Variants in WDPCP observed in about 807,000 individuals in gnomAD.
WDPCP encodes WD repeat containing planar cell polarity effector.
WDPCP carries 71 observed loss-of-function variants against 93.1 expected under a neutral mutation model. That is an observed-to-expected ratio of 0.76 (90% confidence interval 0.63 to 0.93). The LOEUF (loss-of-function observed/expected upper bound fraction) is 0.93, where lower values mean the gene tolerates loss of function less well. Among genes scored for constraint, WDPCP ranks in the 40% least tolerant of loss-of-function variants. The probability of loss-of-function intolerance (pLI) is 0.00; values close to 1 mark genes in which losing one functional copy is unlikely to be tolerated. For missense variants in WDPCP, 844 were observed against 887.4 expected, an observed-to-expected ratio of 0.95 and a Z score of 0.62; for synonymous variants, 315 against 315.0, an observed-to-expected ratio of 1.00 and a Z score of 0.00.
chr2:63,826,674 T>C (rs747970016), intron 1 of WDPCP, among the ~76,000 whole-genome samples: 1 of 152,134 alleles, frequency 6.6e-6, no homozygotes, highest in Non-Finnish European at 1.5e-5. Flanking sequence ...ATAAATTAAA[T>C]GATAATGCAG....
chr2:63,327,434 C>T (rs971120267), intron 12 of WDPCP, among the ~76,000 whole-genome samples: 2 of 152,196 alleles, frequency 1.3e-5, no homozygotes, highest in South Asian at 2.1e-4. Flanking sequence ...TTACCACACA[C>T]TCTCAAAGGA....
chr2:63,539,196 G>C (rs953689038), intron 1 of WDPCP, among the ~76,000 whole-genome samples: 6 of 152,082 alleles, frequency 3.9e-5, no homozygotes, highest in Non-Finnish European at 8.8e-5. Context: ...TTTCTACTAA[G>C]ACAGTTAACC....
chr2:63,732,648 A>G (rs894087167), intron 2 of WDPCP, among the ~76,000 whole-genome samples: 4 of 152,222 alleles, frequency 2.6e-5, no homozygotes, highest in Non-Finnish European at 5.9e-5. Flanking sequence ...TAAAACAGAA[A>G]TATCTTACAA....
intron 14 of WDPCP, among the ~76,000 whole-genome samples, chr2:63,210,204 T>C (rs1339487577): frequency 2.0e-5 from 3 of 152,066 alleles, no homozygotes; most frequent in Non-Finnish European, 4.4e-5. Flanking sequence ...GTTAGGTTTC[T>C]AACAGTTAAC....
intron 1 of WDPCP, among the ~76,000 whole-genome samples, chr2:63,822,032 A>G (rs1426747196): frequency 6.6e-6 from 1 of 152,192 alleles, no homozygotes; most frequent in Non-Finnish European, 1.5e-5. Context: ...GAAAATAGAA[A>G]AGAGATGGGG....
chr2:63,438,227 G>A (rs1414579714), intron 7 of WDPCP, among the ~76,000 whole-genome samples: 3 of 151,922 alleles, frequency 2.0e-5, no homozygotes, highest in African/African-American at 7.2e-5. Context: ...ACATGTTACA[G>A]GAATTTGAGA....
At chr2:63,443,523 A>AG (rs755625071) in intron 6 of WDPCP, among the ~76,000 whole-genome samples, 29 of 152,162 alleles carry the variant, frequency 1.9e-4, no homozygotes, top group Non-Finnish European at 3.2e-4. Flanking sequence ...GTGTGGCTGG[A>AG]GGGGAGTAAG....
At chr2:63,385,993 C>T (rs956180336) in intron 10 of WDPCP, among the ~76,000 whole-genome samples, 1 of 151,910 alleles carries the variant, frequency 6.6e-6, no homozygotes, top group African/African-American at 2.4e-5. Context: ...CTCTTTCTGA[C>T]AATTGGTGCT....
At chr2:63,153,656 G>A in intron 15 of WDPCP, 82 bp from the exon 16 acceptor site, 2 of 914,858 alleles carry the variant, frequency 2.2e-6, no homozygotes, top group South Asian at 2.1e-5. Context: ...AGATTTTAAA[G>A]TATTAAAATA....
chr2:63,570,835 T>A (rs1707435769), intron 1 of WDPCP, among the ~76,000 whole-genome samples: 1 of 152,194 alleles, frequency 6.6e-6, no homozygotes, highest in South Asian at 2.1e-4. Context: ...GAGCATAAAC[T>A]CTGAAGTTAG....
intron 2 of WDPCP, among the ~76,000 whole-genome samples, chr2:63,677,320 C>T (rs773726898): frequency 6.6e-6 from 1 of 152,152 alleles, no homozygotes; most frequent in Non-Finnish European, 1.5e-5. Flanking sequence ...ACTCAATATA[C>T]ATCAAGACAA....
intron 1 of WDPCP, among the ~76,000 whole-genome samples, chr2:63,497,538 A>G (rs1481258786): frequency 1.3e-5 from 2 of 152,182 alleles, no homozygotes; most frequent in African/African-American, 4.8e-5. Context: ...AAACTAAAGA[A>G]AATCAATGGA....
At chr2:63,785,686 T>G (rs1670456146) in intron 2 of WDPCP, among the ~76,000 whole-genome samples, 1 of 152,180 alleles carries the variant, frequency 6.6e-6, no homozygotes, top group Non-Finnish European at 1.5e-5. Flanking sequence ...GTCTTCAACT[T>G]AACTGAAGCA....
chr2:63,405,870 G>C (rs767072071), intron 9 of WDPCP, among the ~76,000 whole-genome samples: 4 of 152,048 alleles, frequency 2.6e-5, no homozygotes, highest in Non-Finnish European at 5.9e-5. Flanking sequence ...AAATTTTATA[G>C]AACTGTACAT....
intron 9 of WDPCP, among the ~76,000 whole-genome samples, chr2:63,414,107 C>A (rs1430687687): frequency 6.6e-6 from 1 of 151,938 alleles, no homozygotes; most frequent in African/African-American, 2.4e-5. Flanking sequence ...CAGGGAAATG[C>A]AAATCAAAAC....
At chr2:63,413,826 T>C (rs919920510) in intron 9 of WDPCP, among the ~76,000 whole-genome samples, 2 of 151,322 alleles carry the variant, frequency 1.3e-5, no homozygotes, top group Admixed American at 1.3e-4. Flanking sequence ...CAAAGATAAA[T>C]AGCTGGGACT....
At chr2:63,251,229 A>G (rs1430526787) in intron 14 of WDPCP, among the ~76,000 whole-genome samples, 1 of 152,160 alleles carries the variant, frequency 6.6e-6, no homozygotes, top group Non-Finnish European at 1.5e-5. Context: ...CACTCATTTG[A>G]TAACAAAGGA....
At chr2:63,415,094 AT>A (rs1296831656) in intron 9 of WDPCP, among the ~76,000 whole-genome samples, 1 of 152,216 alleles carries the variant, frequency 6.6e-6, no homozygotes, top group Non-Finnish European at 1.5e-5. Flanking sequence ...GATTAAAAAA[AT>A]ACTTTAGTAT....
At chr2:63,295,823 G>A in intron 13 of WDPCP, among the ~76,000 whole-genome samples, 1 of 144,176 alleles carries the variant, frequency 6.9e-6, no homozygotes, top group South Asian at 2.2e-4. Context: ...TGAACTCATG[G>A]ACTACTTTTA....
Sources: gnomAD v4.1 joint callset for allele counts (sites outside exome capture counted in the v4.1 genomes callset) on GRCh38, gnomAD v4.1.1 for gene constraint, MANE v1.5 for transcripts, NCBI Gene and HGNC (gene_info 2026-07-23, HGNC 2026-07-21) for gene names.